Variants in IL1RAPL2 observed in about 807,000 individuals in gnomAD.
IL1RAPL2 encodes the protein X-linked interleukin-1 receptor accessory protein-like 2.
A neutral mutation model predicts 44.1 loss-of-function variants in IL1RAPL2; 3 were observed. That is an observed-to-expected ratio of 0.07 (90% CI 0.03 to 0.18). IL1RAPL2 has a LOEUF of 0.18. Among genes scored for constraint, IL1RAPL2 ranks in the 10% least tolerant of loss-of-function variants. The probability of loss-of-function intolerance (pLI) is 1.00; values close to 1 mark genes in which losing one functional copy is unlikely to be tolerated. For missense variants in IL1RAPL2, 391 were observed against 496.4 expected (o/e 0.79, Z 2.02); for synonymous variants, 181 against 178.8 (o/e 1.01, Z -0.10).
At chrX:105,182,825 T>C (rs572074954) in intron 2 of IL1RAPL2, among the ~76,000 whole-genome samples, 23 of 111,193 alleles carry the variant, frequency 2.1e-4, no homozygotes, top group Admixed American at 6.7e-4. Context: ...TCAGCAATAA[T>C]AGTAGTGGTG....
intron 6 of IL1RAPL2, among the ~76,000 whole-genome samples, chrX:105,585,083 G>T (rs1006909261): frequency 5.5e-5 from 6 of 109,104 alleles, no homozygotes; most frequent in African/African-American, 2.0e-4. Context: ...GATTCTGCTT[G>T]TATCTTTTTA....
chrX:104,662,985 C>G, intron 2 of IL1RAPL2, among the ~76,000 whole-genome samples: 1 of 111,888 alleles, frequency 8.9e-6, no homozygotes. Context: ...ACCTGCATAT[C>G]TCAATCAGCT....
chrX:104,701,665 A>C (rs1469320604), intron 2 of IL1RAPL2, among the ~76,000 whole-genome samples: 1 of 111,683 alleles, frequency 9.0e-6, no homozygotes, highest in Non-Finnish European at 1.9e-5. Flanking sequence ...ATGAAGGTCC[A>C]TTGGCTAAAT....
At chrX:105,192,898 A>T (rs1556138137) in intron 2 of IL1RAPL2, among the ~76,000 whole-genome samples, 1 of 112,309 alleles carries the variant, frequency 8.9e-6, no homozygotes, top group African/African-American at 3.2e-5. Flanking sequence ...AAGAAAAGAG[A>T]CCATAAATCT....
At chrX:105,357,929 G>A (rs959938147) in intron 5 of IL1RAPL2, among the ~76,000 whole-genome samples, 12 of 107,133 alleles carry the variant, frequency 1.1e-4, no homozygotes, top group African/African-American at 4.1e-4. Context: ...AGGAGCTAGA[G>A]GAGGCTGAGT....
chrX:105,609,306 T>A (rs1316010209), intron 6 of IL1RAPL2, among the ~76,000 whole-genome samples: 3 of 105,494 alleles, frequency 2.8e-5, no homozygotes, highest in African/African-American at 1.0e-4. Flanking sequence ...ATTCTGGAAA[T>A]GGATAGTGAT....
At chrX:104,637,776 GTA>G (rs1391770715) in intron 1 of IL1RAPL2, among the ~76,000 whole-genome samples, 3 of 71,691 alleles carry the variant, frequency 4.2e-5, no homozygotes, top group South Asian at 5.3e-4. Flanking sequence ...TAGTTTTTGT[GTA>G]TGTGTGTGTG....
At chrX:105,101,924 G>A (rs1687113162) in intron 2 of IL1RAPL2, among the ~76,000 whole-genome samples, 1 of 112,173 alleles carries the variant, frequency 8.9e-6, no homozygotes. Context: ...TTAGCTGAAT[G>A]CAGGAAGCAG....
Position 105,406,396 on chromosome X carries a change from A to T in IL1RAPL2, c.698-77917A>T, listed in dbSNP as rs753604718. 1.6e-4 allele frequency: 167 copies of T among 1,063,328 alleles called. 1 individual carries two copies. The African/African-American group carries it at 2.6e-3, about 16-fold the overall frequency. The allele number at this position is 1,063,328 out of a possible 1,213,427, so 87.6% of individuals were successfully genotyped here. On this transcript the variant is annotated intron_variant, in intron 5 of 10. Transcript: ENST00000372582. ...TATTGGGTGTGTTAGAAGAAGCAAGATTTTTTGGTATTGTCTCATTGATCT... is the reference window on the plus strand; with the variant it reads ...TATTGGGTGTGTTAGAAGAAGCAAGTTTTTTTGGTATTGTCTCATTGATCT...
At chrX:104,611,393 G>T (rs1294335988) in intron 1 of IL1RAPL2, among the ~76,000 whole-genome samples, 1 of 111,022 alleles carries the variant, frequency 9.0e-6, no homozygotes, top group Non-Finnish European at 1.9e-5. Flanking sequence ...GCCTTGCTGA[G>T]CTGTGGTGGG....
At chrX:104,754,734 A>G (rs1178229855) in intron 2 of IL1RAPL2, among the ~76,000 whole-genome samples, 4 of 112,273 alleles carry the variant, frequency 3.6e-5, no homozygotes, top group Non-Finnish European at 7.5e-5. Flanking sequence ...TAGCACTTAT[A>G]ATGTGTTTTT....
At chrX:105,707,437 A>T (rs1328633193) in intron 6 of IL1RAPL2, among the ~76,000 whole-genome samples, 1 of 112,436 alleles carries the variant, frequency 8.9e-6, no homozygotes, top group Non-Finnish European at 1.9e-5. Context: ...AGTACTATTG[A>T]GCACAACCAT....
chrX:104,648,498 A>C (rs1240648416), intron 1 of IL1RAPL2, among the ~76,000 whole-genome samples: 1 of 112,513 alleles, frequency 8.9e-6, no homozygotes, highest in Non-Finnish European at 1.9e-5. Flanking sequence ...GAATGTGTAC[A>C]TTAAATTTTG....
At chrX:105,498,896 C>T (rs943019586) in intron 6 of IL1RAPL2, among the ~76,000 whole-genome samples, 23 of 111,051 alleles carry the variant, frequency 2.1e-4, no homozygotes, top group African/African-American at 7.2e-4. Flanking sequence ...AGGTGAGTGG[C>T]GGGCAAGCAA....
intron 6 of IL1RAPL2, among the ~76,000 whole-genome samples, chrX:105,496,064 T>C (rs1160579484): frequency 8.9e-6 from 1 of 112,291 alleles, no homozygotes; most frequent in East Asian, 2.8e-4. Flanking sequence ...TGATAAAACC[T>C]TGATCTCCAT....
chrX:104,979,344 A>G (rs775971154), intron 2 of IL1RAPL2, among the ~76,000 whole-genome samples: 12 of 111,904 alleles, frequency 1.1e-4, no homozygotes, highest in African/African-American at 9.7e-5. Flanking sequence ...AAGTATTAGA[A>G]GTAAACATGG....
intron 10 of IL1RAPL2, among the ~76,000 whole-genome samples, chrX:105,760,945 G>A (rs780313678): frequency 4.5e-5 from 5 of 110,731 alleles, no homozygotes; most frequent in South Asian, 3.8e-4. Context: ...TTGGGAGGCC[G>A]AGGCAGGCAG....
intron 6 of IL1RAPL2, among the ~76,000 whole-genome samples, chrX:105,542,429 C>CT (rs1235654721): frequency 9.0e-6 from 1 of 111,551 alleles, no homozygotes; most frequent in Admixed American, 9.6e-5. Flanking sequence ...ATAAACCCCC[C>CT]TCTTGGCTTC....
rs191431447 is a variant in IL1RAPL2 at position 104,866,770 on chromosome X, C to G, written c.82+207775C>G. Among the ~76,000 whole-genome samples, 187 of 111,536 alleles carry G rather than the reference C, an allele frequency of 1.7e-3. 1 individual carries two copies. The highest frequency in any genetic ancestry group is 5.9e-3 in the African/African-American group (181 of 30,740). On this transcript the variant is annotated intron_variant, in intron 2 of 10. Coordinates refer to ENST00000372582, the MANE Select transcript of IL1RAPL2 (RefSeq NM_017416.2). The stretch of plus-strand genomic sequence containing the variant: ...GGAGTTCATCTTATTTCTTTTGGCT[C>G]ATAGCAAGCATTGTTAGGGTTTTAA...
Sources: allele counts gnomAD v4.1 joint callset (sites outside exome capture counted in the v4.1 genomes callset), GRCh38; gene constraint gnomAD v4.1.1; transcripts MANE v1.5; gene names NCBI Gene and HGNC (gene_info 2026-07-23, HGNC 2026-07-21).